Variants in IGSF21 observed in about 807,000 individuals in gnomAD.
IGSF21 encodes immunoglobin superfamily member 21, also known as immunoglobulin superfamily member 21.
A neutral mutation model predicts 46.8 loss-of-function variants in IGSF21; 28 were observed. That is an observed-to-expected ratio of 0.60 (90% CI 0.44 to 0.82). The LOEUF is 0.82. IGSF21 is among the 40% of genes least tolerant of loss of function. IGSF21 has a pLI of 0.00. For missense variants in IGSF21, 624 were observed against 665.5 expected, an observed-to-expected ratio of 0.94 and a Z score of 0.69; for synonymous variants, 284 against 273.6, an observed-to-expected ratio of 1.04 and a Z score of -0.38.
intron 1 of IGSF21, among the ~76,000 whole-genome samples, chr1:18,199,761 A>G (rs945538091): frequency 6.6e-6 from 1 of 151,702 alleles, no homozygotes; most frequent in Non-Finnish European, 1.5e-5. Context: ...TGTCTGCTCC[A>G]CGCCTGGTAA....
chr1:18,240,057 C>T (rs183224353), intron 2 of IGSF21, among the ~76,000 whole-genome samples: 4 of 152,288 alleles, frequency 2.6e-5, no homozygotes, highest in East Asian at 3.9e-4. Flanking sequence ...AAGGATAGAT[C>T]GCTTGACCCC....
In IGSF21 at chr1:18,186,922, T is replaced by C. The variant is rs571703707; in HGVS notation, c.71-40976T>C. ...CTGGCTGTGTCTGGGATCTATGCTCTCATAGCATCCTCTGTCTTTCTTCAA... is the reference window on the plus strand; with the variant it reads ...CTGGCTGTGTCTGGGATCTATGCTCCCATAGCATCCTCTGTCTTTCTTCAA... On this transcript the variant is annotated intron_variant, in intron 1 of 9. Coordinates refer to ENST00000251296, the MANE Select transcript of IGSF21 (RefSeq NM_032880.5). Among the ~76,000 whole-genome samples the C allele has an allele frequency of 2.0e-5, 3 of 152,320 alleles. No homozygotes were observed. In the East Asian group the frequency reaches 5.8e-4, roughly 29 times the overall value.
chr1:18,158,357 G>A (rs568726273), intron 1 of IGSF21, among the ~76,000 whole-genome samples: 2 of 152,320 alleles, frequency 1.3e-5, no homozygotes, highest in South Asian at 2.1e-4. Flanking sequence ...GCAAATCAGC[G>A]AGGTAAGAGG....
chr1:18,170,318 A>G (rs1272236129), intron 1 of IGSF21, among the ~76,000 whole-genome samples: 1 of 152,074 alleles, frequency 6.6e-6, no homozygotes, highest in Non-Finnish European at 1.5e-5. Flanking sequence ...ATTTCTGAGT[A>G]GGGATTCTAG....
intron 6 of IGSF21, among the ~76,000 whole-genome samples, chr1:18,370,675 A>G (rs12131268): frequency 0.11 from 17,386 of 152,254 alleles, 1,046 homozygotes; most frequent in East Asian, 0.23. Flanking sequence ...AAAGCAAACT[A>G]TAGAATGAGA....
Position 18,195,359 on chromosome 1 carries a change from T to C in IGSF21, c.71-32539T>C, listed in dbSNP as rs192808589. Among the ~76,000 whole-genome samples, 588 of 152,246 alleles carry C rather than the reference T, an allele frequency of 3.9e-3. 4 individuals are homozygous for C. The highest frequency in any genetic ancestry group is 5.7e-3 in the Non-Finnish European group (391 of 68,026). ...CTTGGGGTGCTCTGGGTGCCATCGATGGATTATAACGGCTGGAGCAGGCAT... is the reference window on the plus strand; with the variant it reads ...CTTGGGGTGCTCTGGGTGCCATCGACGGATTATAACGGCTGGAGCAGGCAT... On this transcript the variant is annotated intron_variant, in intron 1 of 9. Coordinates refer to ENST00000251296, the MANE Select transcript of IGSF21 (RefSeq NM_032880.5).
intron 1 of IGSF21, among the ~76,000 whole-genome samples, chr1:18,225,806 A>G (rs1320130985): frequency 6.6e-6 from 1 of 152,140 alleles, no homozygotes; most frequent in Non-Finnish European, 1.5e-5. Flanking sequence ...CAGGCTGCAG[A>G]TGTACAGTGT....
chr1:18,130,005 A>C (rs1414586186), intron 1 of IGSF21, among the ~76,000 whole-genome samples: 1 of 152,144 alleles, frequency 6.6e-6, no homozygotes, highest in African/African-American at 2.4e-5. Context: ...TAAATTACCC[A>C]TGTTGTGATA....
Position 18,376,288 on chromosome 1 carries a change from C to T in IGSF21, c.1016-22C>T, listed in dbSNP as rs752948522. 6 of 1,543,332 alleles carry T rather than the reference C, an allele frequency of 3.9e-6. No homozygotes were observed. In the East Asian group the frequency reaches 1.3e-4, roughly 35 times the overall value. On this transcript the variant is annotated intron_variant, in intron 6 of 9. Coordinates refer to ENST00000251296, the MANE Select transcript of IGSF21 (RefSeq NM_032880.5). ...TCCCTCCTTTCCTTACTCTCTCTGA[C>T]CTGGCCTTTCTCTCCCTACAGTTGC...
At chr1:18,208,294 CAATTTTTCCTTCCCCTGGGAAGG>C (rs2084352699) in intron 1 of IGSF21, among the ~76,000 whole-genome samples, 1 of 149,158 alleles carries the variant, frequency 6.7e-6, no homozygotes, top group South Asian at 2.1e-4. Flanking sequence ...TGCTGGGAAG[CAATTTTTCCTTCCCCTGGGAAGG>C]AAGGAAAATG....
chr1:18,326,048 C>G (rs1471011365), intron 3 of IGSF21, among the ~76,000 whole-genome samples: 1 of 148,232 alleles, frequency 6.7e-6, no homozygotes, highest in Non-Finnish European at 1.5e-5. Flanking sequence ...ATGCCCCCCC[C>G]TTTTTTTTCC....
chr1:18,173,699 CA>C (rs2086765046), intron 1 of IGSF21, among the ~76,000 whole-genome samples: 1 of 152,196 alleles, frequency 6.6e-6, no homozygotes, highest in African/African-American at 2.4e-5. Context: ...GAGGAAATAG[CA>C]GATGTGGATT....
intron 1 of IGSF21, among the ~76,000 whole-genome samples, chr1:18,177,895 G>A (rs1570305886): frequency 6.6e-6 from 1 of 152,260 alleles, no homozygotes; most frequent in African/African-American, 2.4e-5. Flanking sequence ...GGTGGATGAA[G>A]AGGCGCTGAG....
At chr1:18,134,474 G>C (rs1011115702) in intron 1 of IGSF21, among the ~76,000 whole-genome samples, 1 of 152,190 alleles carries the variant, frequency 6.6e-6, no homozygotes, top group Non-Finnish European at 1.5e-5. Context: ...CTCCCTGGGG[G>C]AGGGTTAATT....
chr1:18,312,420 G>A (rs1347920007), intron 3 of IGSF21, among the ~76,000 whole-genome samples: 1 of 152,168 alleles, frequency 6.6e-6, no homozygotes, highest in Non-Finnish European at 1.5e-5. Context: ...CAACTTAGTG[G>A]CTTAAAATAA....
At chr1:18,299,790 T>A (rs1055617348) in intron 3 of IGSF21, among the ~76,000 whole-genome samples, 1 of 152,234 alleles carries the variant, frequency 6.6e-6, no homozygotes, top group African/African-American at 2.4e-5. Context: ...ATTATGCCTC[T>A]TAGCATTAGA....
At chr1:18,258,963 C>G (rs1454792842) in intron 2 of IGSF21, among the ~76,000 whole-genome samples, 2 of 152,224 alleles carry the variant, frequency 1.3e-5, no homozygotes, top group Non-Finnish European at 2.9e-5. Context: ...AGGCAAGGAG[C>G]CAGGTCCAGC....
At chr1:18,263,650 C>T (rs1041031939) in intron 2 of IGSF21, among the ~76,000 whole-genome samples, 1 of 152,146 alleles carries the variant, frequency 6.6e-6, no homozygotes, top group Non-Finnish European at 1.5e-5. Flanking sequence ...CCAGAGCAAC[C>T]TTCTCTGGCA....
chr1:18,272,922 C>T (rs2085056485), intron 2 of IGSF21, among the ~76,000 whole-genome samples: 1 of 152,158 alleles, frequency 6.6e-6, no homozygotes, highest in Non-Finnish European at 1.5e-5. Context: ...GGACAAGAGG[C>T]CCAGCCTCTG....
Sources: allele counts gnomAD v4.1 joint callset (sites outside exome capture counted in the v4.1 genomes callset), GRCh38; gene constraint gnomAD v4.1.1; transcripts MANE v1.5; gene names NCBI Gene and HGNC (gene_info 2026-07-23, HGNC 2026-07-21).